ENDOV: variants seen among roughly 807,000 people sequenced by gnomAD.
ENDOV encodes endonuclease V.
ENDOV carries 37 observed loss-of-function variants against 39.4 expected under a neutral mutation model. The ratio of observed to expected loss-of-function variants is 0.94; its 90% CI spans 0.72 to 1.23. ENDOV has a LOEUF of 1.23. Ranked by LOEUF, ENDOV falls within the 50% of genes most tolerant of loss-of-function variation. ENDOV has a pLI of 0.00. For missense variants in ENDOV, 441 were observed against 375.7 expected (o/e 1.17, Z -1.44); for synonymous variants, 186 against 163.4 (o/e 1.14, Z -1.05).
chr17:80,423,292 C>G (rs1458009441), intron 4 of ENDOV, among the ~76,000 whole-genome samples: 1 of 152,218 alleles, frequency 6.6e-6, no homozygotes, highest in Non-Finnish European at 1.5e-5. Flanking sequence ...TGGCACTGAC[C>G]GTGTCAGAGA....
chr17:80,425,443 G>T, intron 6 of ENDOV, 49 bp from the exon 7 acceptor site: 1 of 1,557,580 alleles, frequency 6.4e-7, no homozygotes, highest in Non-Finnish European at 8.6e-7. Context: ...TCCTGACCCT[G>T]GTCCCGGTGG....
At chr17:80,421,260 A>ATCCCGGGGAATCCTACAGACCAGG (rs1555692172) in intron 2 of ENDOV, among the ~76,000 whole-genome samples, 2 of 150,886 alleles carry the variant, frequency 1.3e-5, no homozygotes, top group African/African-American at 4.9e-5. Flanking sequence ...TATGAACTAG[A>ATCCCGGGGAATCCTACAGACCAGG]TCCCGGGGAA....
At chr17:80,421,667 C>T (rs1280957422) in intron 2 of ENDOV, among the ~76,000 whole-genome samples, 161 bp from the exon 3 acceptor site, 1 of 152,116 alleles carries the variant, frequency 6.6e-6, no homozygotes, top group East Asian at 1.9e-4. Context: ...CTTCTAGTTC[C>T]TTCTTCCAAA....
At position 80,436,447 on chromosome 17, in the gene ENDOV, T is replaced by C; in HGVS notation, c.*304T>C. On this transcript the variant is annotated 3_prime_UTR_variant, in exon 10 of 10. Coordinates refer to ENST00000518137, the MANE Select transcript of ENDOV (RefSeq NM_173627.5). ...TCTTCATCCAGCTGAAGACGGTCCC[T>C]TCTAGTCCTAATTTGTTAAGTGTTT... The C allele has an allele frequency of 8.9e-7, 1 of 1,125,718 alleles. No individual in the cohort carries two copies. The allele number at this position is 1,125,718 out of a possible 1,614,324, so 69.7% of individuals were successfully genotyped here.
At chr17:80,428,808 G>A (rs2083049063) in intron 8 of ENDOV, 148 bp downstream of exon 8, 1 of 759,860 alleles carries the variant, frequency 1.3e-6, no homozygotes, top group South Asian at 1.8e-5. Context: ...CACAGGAGAG[G>A]TCTTCAAAGA....
intron 2 of ENDOV, chr17:80,418,876 T>C (rs2081554100): frequency 6.6e-6 from 1 of 152,014 alleles, no homozygotes; most frequent in Admixed American, 6.5e-5. Flanking sequence ...GTAAACCTGT[T>C]AGGAAAAAAA....
At chr17:80,422,491 C>T (rs890279871) in intron 4 of ENDOV, among the ~76,000 whole-genome samples, 8 of 152,276 alleles carry the variant, frequency 5.3e-5, no homozygotes, top group East Asian at 3.9e-4. Context: ...GCCTTCTCTA[C>T]AGTGCCCTGT....
intron 9 of ENDOV, chr17:80,430,353 G>T (rs1452667053): frequency 1.3e-6 from 2 of 1,527,320 alleles, no homozygotes; most frequent in Admixed American, 2.0e-5. Context: ...ATTCTTCTCA[G>T]GATTCATTTT....
At chr17:80,430,090 A>G in intron 9 of ENDOV, 1 of 1,535,140 alleles carries the variant, frequency 6.5e-7, no homozygotes, top group Non-Finnish European at 8.7e-7. Flanking sequence ...CCCCAGGGGG[A>G]CGCCGCAGCA....
intron 9 of ENDOV, among the ~76,000 whole-genome samples, chr17:80,432,997 G>A (rs539820461): frequency 1.2e-4 from 18 of 152,140 alleles, no homozygotes; most frequent in Non-Finnish European, 2.4e-4. Flanking sequence ...AAGCCAGTAG[G>A]ACCCTTGGGA....
chr17:80,429,895 A>G (rs543841131), intron 9 of ENDOV, 64 bp downstream of exon 9: 2 of 1,612,046 alleles, frequency 1.2e-6, no homozygotes, highest in South Asian at 2.2e-5. Flanking sequence ...CCAGGCTCCC[A>G]GGAGCAGGCG....
chr17:80,436,038 A>G (rs895384237), intron 9 of ENDOV, 95 bp from the exon 10 acceptor site: 48 of 1,394,752 alleles, frequency 3.4e-5, no homozygotes, highest in Non-Finnish European at 4.3e-5. Context: ...TACAGGCGCG[A>G]GCCACTGCAC....
intron 2 of ENDOV, chr17:80,417,094 C>G (rs117584408): frequency 6.6e-6 from 1 of 152,276 alleles, no homozygotes; most frequent in Non-Finnish European, 1.5e-5. Flanking sequence ...CTTCTCATGA[C>G]CTCATGGTGA....
intron 5 of ENDOV, 83 bp from the exon 6 acceptor site, chr17:80,424,949 C>T (rs1164331278): frequency 2.7e-5 from 32 of 1,197,286 alleles, no homozygotes; most frequent in Admixed American, 6.1e-5. Context: ...TGCGACACTC[C>T]GTCTCAAAAA....
chr17:80,420,037 T>G, intron 2 of ENDOV: 1 of 253,500 alleles, frequency 3.9e-6, no homozygotes, highest in Non-Finnish European at 7.9e-6. Context: ...ACACCTGTAT[T>G]CCTTCTACTT....
rs1327181193 is a variant in ENDOV, at chr17:80,437,738, C to A, written c.*1595C>A. On this transcript the variant is annotated 3_prime_UTR_variant, in exon 10 of 10. Coordinates refer to ENST00000518137, the MANE Select transcript of ENDOV (RefSeq NM_173627.5). Reference sequence around the variant, plus strand: ...CAGGAAAGAACACACGGCCCCGCGTCTGTTGCCTGAGTCACTGTATTCCTT... The same window carrying A: ...CAGGAAAGAACACACGGCCCCGCGTATGTTGCCTGAGTCACTGTATTCCTT... 1 of 152,240 alleles carries A rather than the reference C, an allele frequency of 6.6e-6. No homozygotes were observed. The highest frequency in any genetic ancestry group is 1.5e-5 in the Non-Finnish European group (1 of 68,046). 9.4% of individuals were successfully genotyped at this position (152,240 alleles called of 1,614,324 possible). A position where few individuals can be genotyped will look rare whatever the true frequency, so the allele number is the denominator to read the frequency against.
At chr17:80,434,770 AC>A (rs951635674) in intron 9 of ENDOV, among the ~76,000 whole-genome samples, 2 of 152,140 alleles carry the variant, frequency 1.3e-5, no homozygotes, top group African/African-American at 4.8e-5. Context: ...ACATAGTGAG[AC>A]CTCATCTCTA....
rs369178212 is a variant in ENDOV, at chr17:80,421,877, C to T, written c.278C>T (p.Ser93Leu). 2.9e-5 allele frequency: 46 copies of T among 1,607,098 alleles called. No homozygotes were observed. The Admixed American group carries it at 2.9e-4, about 10-fold the overall frequency. ...RMVSLTAPYV[S>L]GFLAFREVPF... ...GTCAGCCTCACAGCCCCCTACGTGTCGGGCTTCCTGGCCTTCCGAGAGGTG... is the reference window on the plus strand; with the variant it reads ...GTCAGCCTCACAGCCCCCTACGTGTTGGGCTTCCTGGCCTTCCGAGAGGTG... Residue 93 changes from serine (S) to leucine (L), a missense_variant, in exon 3 of 10, where the codon TCG (serine) becomes TTG (leucine). Coordinates refer to ENST00000518137, the MANE Select transcript of ENDOV (RefSeq NM_173627.5).
intron 2 of ENDOV, chr17:80,418,181 C>T (rs1198385733): frequency 6.6e-6 from 1 of 152,206 alleles, no homozygotes; most frequent in East Asian, 1.9e-4. Flanking sequence ...CCACTTTGCC[C>T]TCTAGGCCTC....
Sources: gnomAD v4.1 joint callset for allele counts (sites outside exome capture counted in the v4.1 genomes callset) on GRCh38, gnomAD v4.1.1 for gene constraint, MANE v1.5 for transcripts, NCBI Gene and HGNC (gene_info 2026-07-23, HGNC 2026-07-21) for gene names.